Variants in RBFOX1 observed in about 807,000 individuals in gnomAD.
RBFOX1 encodes RNA binding fox-1 homolog 1.
In RBFOX1, 8 loss-of-function variants were observed where a neutral mutation model predicts 57.7. That is an observed-to-expected ratio of 0.14 (90% confidence interval 0.08 to 0.25). RBFOX1 has a LOEUF of 0.25. Ranked by LOEUF, RBFOX1 falls within the 10% of genes least tolerant of loss-of-function variation. The pLI is 1.00. For synonymous variants in RBFOX1, 326 were observed against 222.4 expected (o/e 1.47, Z -4.15); for missense variants, 611 against 548.5 (o/e 1.11, Z -1.14).
chr16:5,436,906 T>C (rs1319652184), intron 1 of RBFOX1, among the ~76,000 whole-genome samples: 2 of 152,158 alleles, frequency 1.3e-5, no homozygotes, highest in Non-Finnish European at 2.9e-5. Flanking sequence ...TCCCAAGCCA[T>C]GTCAATATGT....
intron 3 of RBFOX1, among the ~76,000 whole-genome samples, chr16:6,911,514 C>G (rs534877351): frequency 2.0e-5 from 3 of 152,210 alleles, no homozygotes; most frequent in South Asian, 4.1e-4. Flanking sequence ...ATGTCTGTCT[C>G]CCTGTCCAAA....
chr16:6,950,297 C>T (rs759824655), intron 3 of RBFOX1, among the ~76,000 whole-genome samples: 1 of 151,896 alleles, frequency 6.6e-6, no homozygotes, highest in Non-Finnish European at 1.5e-5. Context: ...CTCCCCTCTG[C>T]ATCTCACAGC....
intron 4 of RBFOX1, among the ~76,000 whole-genome samples, chr16:7,484,444 C>T (rs1406914892): frequency 6.6e-6 from 1 of 152,080 alleles, no homozygotes; most frequent in East Asian, 1.9e-4. Context: ...TTTTGCTTTT[C>T]CACTGGCATT....
intron 4 of RBFOX1, among the ~76,000 whole-genome samples, chr16:7,105,166 G>C (rs1424437442): frequency 6.6e-6 from 1 of 152,068 alleles, no homozygotes; most frequent in Admixed American, 6.6e-5. Context: ...TTAAAGTATA[G>C]GCCCATCCAT....
chr16:6,260,593 C>G (rs1441427391), intron 1 of RBFOX1, among the ~76,000 whole-genome samples: 2 of 152,062 alleles, frequency 1.3e-5, no homozygotes, highest in Non-Finnish European at 2.9e-5. Context: ...TGGCATGCAT[C>G]CAGGCCAGGC....
intron 4 of RBFOX1, among the ~76,000 whole-genome samples, chr16:7,062,900 T>C (rs888794570): frequency 3.6e-5 from 1 of 28,148 alleles, no homozygotes; most frequent in Non-Finnish European, 9.8e-5. Flanking sequence ...GCCATTTTTT[T>C]TTTTTTTTTT....
chr16:7,571,280 G>A (rs1383422565), intron 5 of RBFOX1, among the ~76,000 whole-genome samples: 1 of 152,138 alleles, frequency 6.6e-6, no homozygotes, highest in Non-Finnish European at 1.5e-5. Flanking sequence ...TGCCACGCAG[G>A]TGGCCTCAGT....
intron 1 of RBFOX1, among the ~76,000 whole-genome samples, chr16:6,027,611 G>T (rs1309371352): frequency 6.6e-6 from 1 of 152,216 alleles, no homozygotes; most frequent in African/African-American, 2.4e-5. Context: ...TTTTAGCAAA[G>T]TGCCTGGCAC....
intron 1 of RBFOX1, among the ~76,000 whole-genome samples, chr16:6,103,175 C>G (rs1477838466): frequency 2.6e-5 from 4 of 152,280 alleles, no homozygotes; most frequent in South Asian, 2.1e-4. Context: ...CCAGTTCCAT[C>G]CAAGTCATGC....
chr16:7,576,258 A>G (rs1216986224), intron 5 of RBFOX1, among the ~76,000 whole-genome samples: 2 of 152,186 alleles, frequency 1.3e-5, no homozygotes, highest in African/African-American at 4.8e-5. Flanking sequence ...ATGGAAAAGT[A>G]AAGTGAAGGT....
intron 2 of RBFOX1, among the ~76,000 whole-genome samples, chr16:6,447,765 T>C (rs910909484): frequency 6.6e-6 from 1 of 152,200 alleles, no homozygotes; most frequent in Non-Finnish European, 1.5e-5. Context: ...AAGGCTTTTA[T>C]TTTTAGCACT....
chr16:6,631,018 A>C (rs563279077), intron 2 of RBFOX1, among the ~76,000 whole-genome samples: 7 of 152,248 alleles, frequency 4.6e-5, no homozygotes, highest in African/African-American at 1.4e-4. Flanking sequence ...TTGGTTGTCA[A>C]CCCAGCTGGA....
chr16:7,392,543 G>A (rs1049306443), intron 4 of RBFOX1, among the ~76,000 whole-genome samples: 3 of 152,178 alleles, frequency 2.0e-5, no homozygotes, highest in African/African-American at 7.2e-5. Context: ...GAAGAAAGAA[G>A]GCAGGCATGT....
intron 3 of RBFOX1, among the ~76,000 whole-genome samples, chr16:5,672,193 C>T (rs1316205443): frequency 6.6e-6 from 1 of 152,132 alleles, no homozygotes; most frequent in African/African-American, 2.4e-5. Flanking sequence ...ATCCTCAGTA[C>T]CCTAATGTAT....
intron 3 of RBFOX1, among the ~76,000 whole-genome samples, chr16:5,625,932 A>G (rs764897771): frequency 1.4e-5 from 2 of 143,522 alleles, no homozygotes. Context: ...GCTAGAGTTC[A>G]ATGGCACAAT....
chr16:6,288,628 G>A (rs1425106811), intron 1 of RBFOX1, among the ~76,000 whole-genome samples: 4 of 152,092 alleles, frequency 2.6e-5, no homozygotes, highest in Non-Finnish European at 5.9e-5. Flanking sequence ...TTGCACTTCT[G>A]GGAAACTGCA....
At chr16:5,869,801 C>T (rs574347906) in intron 4 of RBFOX1, among the ~76,000 whole-genome samples, 2 of 152,152 alleles carry the variant, frequency 1.3e-5, no homozygotes, top group African/African-American at 4.8e-5. Flanking sequence ...TTTAAAAATC[C>T]AACAATTCCA....
At chr16:6,546,255 T>C (rs1174692808) in intron 2 of RBFOX1, among the ~76,000 whole-genome samples, 1 of 152,214 alleles carries the variant, frequency 6.6e-6, no homozygotes, top group Non-Finnish European at 1.5e-5. Flanking sequence ...GGCACTCATA[T>C]CGCCTGTCAG....
rs117893818 is a variant in RBFOX1, at chr16:6,868,526, C to T, written c.-15-183531C>T. Reference sequence around the variant, plus strand: ...TCACTCTGTCACCCAGGCTGGAGTGCGGTAGTATGATAACGGCTCACTGCA... The same window carrying T: ...TCACTCTGTCACCCAGGCTGGAGTGTGGTAGTATGATAACGGCTCACTGCA... On this transcript the variant is annotated intron_variant, in intron 3 of 15. Coordinates refer to ENST00000550418, the MANE Select transcript of RBFOX1 (RefSeq NM_018723.4). Among the ~76,000 whole-genome samples, 96 of 152,076 alleles carry T rather than the reference C, an allele frequency of 6.3e-4. 1 individual carries two copies. In the East Asian group the frequency reaches 0.016, roughly 25 times the overall value.
Sources: gnomAD v4.1 joint callset for allele counts (sites outside exome capture counted in the v4.1 genomes callset) on GRCh38, gnomAD v4.1.1 for gene constraint, MANE v1.5 for transcripts, NCBI Gene and HGNC (gene_info 2026-07-23, HGNC 2026-07-21) for gene names.